TRAPPC11: variants seen among roughly 807,000 people sequenced by gnomAD.
TRAPPC11 encodes foie gras homolog.
Under a neutral mutation model 151.2 loss-of-function variants are expected in TRAPPC11, and 104 were observed. The observed-to-expected ratio is 0.69, with a 90% CI of 0.59 to 0.81. The LOEUF (loss-of-function observed/expected upper bound fraction) is 0.81, where lower values mean the gene tolerates loss of function less well. Among genes scored for constraint, TRAPPC11 ranks in the 30% least tolerant of loss-of-function variants. The pLI, the probability that TRAPPC11 is intolerant of heterozygous loss-of-function variation, is 0.00. For missense variants in TRAPPC11, 1,230 were observed against 1,349.6 expected (o/e 0.91, Z 1.39); for synonymous variants, 456 against 472.3 (o/e 0.97, Z 0.45).
chr4:183,691,509 T>G lies in TRAPPC11; in HGVS notation c.2049+38T>G, dbSNP rs762465543. 5.6e-6 allele frequency: 7 copies of G among 1,249,872 alleles called. No homozygotes were observed. In the South Asian group the frequency reaches 1.3e-4, roughly 23 times the overall value. 77.4% of individuals were successfully genotyped at this position (1,249,872 alleles called of 1,614,324 possible). A position where few individuals can be genotyped will look rare whatever the true frequency, so the allele number is the denominator to read the frequency against. ...ATTTGTTTTAAAATATTTTTAATAA[T>G]AAAAGTATGTTTATATCAATATTTT... is the stretch of plus-strand genomic sequence containing the variant. On this transcript the variant is annotated intron_variant, in intron 19 of 29. Transcript: ENST00000334690.
chr4:183,686,483 G>A, intron 17 of TRAPPC11, 135 bp from the exon 18 acceptor site: 2 of 917,006 alleles, frequency 2.2e-6, no homozygotes, highest in Non-Finnish European at 3.2e-6. Flanking sequence ...GTCTCTTGAA[G>A]TGCCTTAAGT....
chr4:183,686,622 G>T lies in TRAPPC11; in HGVS notation c.1767G>T (p.Gln589His), dbSNP rs1383829469. 6.2e-7 allele frequency: 1 copy of T among 1,613,954 alleles called. No individual in the cohort carries two copies. Among genetic ancestry groups the T allele is most frequent in the Admixed American group, 1.7e-5 (1 of 59,996 alleles). The part of the protein sequence containing the change: ...IGVQDFVPFV[Q>H]CKAKFHAPSF... ...GCCCTTTTGTTTTATTTCTAGTGCA[G>T]TGCAAAGCCAAGTTTCATGCCCCAA... The change falls in exon 18 of 30, where the codon CAG becomes CAT. Residue 589 changes from glutamine (Q) to histidine (H), a missense_variant. Coordinates refer to ENST00000334690, the MANE Select transcript of TRAPPC11 (RefSeq NM_021942.6).
At chr4:183,661,499 G>C (rs1398871029) in intron 1 of TRAPPC11, among the ~76,000 whole-genome samples, 1 of 149,752 alleles carries the variant, frequency 6.7e-6, no homozygotes. Flanking sequence ...AGCCTCCCGA[G>C]TAGCTGGGAC....
At chr4:183,695,044 G>A (rs1047740597) in intron 23 of TRAPPC11, among the ~76,000 whole-genome samples, 3 of 151,238 alleles carry the variant, frequency 2.0e-5, no homozygotes, top group Non-Finnish European at 4.4e-5. Context: ...CACCTCCCGG[G>A]TTCAAGCGAT....
At chr4:183,665,148 G>A (rs1198014531) in intron 2 of TRAPPC11, among the ~76,000 whole-genome samples, 2 of 135,870 alleles carry the variant, frequency 1.5e-5, no homozygotes, top group Non-Finnish European at 3.0e-5. Context: ...AGGCTGGAGT[G>A]CTGTGGCGCG....
intron 28 of TRAPPC11, 128 bp from the exon 29 acceptor site, chr4:183,708,279 G>C (rs1737177034): frequency 1.0e-6 from 1 of 965,786 alleles, no homozygotes. Context: ...GATGGACTAG[G>C]AGAGAGTGAA....
Position 183,674,752 on chromosome 4 carries a change from C to T in TRAPPC11, c.600C>T (p.Tyr200=), listed in dbSNP as rs764451570. 12 of 1,591,580 alleles carry T rather than the reference C, an allele frequency of 7.5e-6. No individual in the cohort carries two copies. The South Asian group carries it at 1.2e-4, about 15-fold the overall frequency. The change falls in exon 6 of 30, where the codon TAC becomes TAT. Residue 200 remains tyrosine, a synonymous_variant. Coordinates refer to ENST00000334690, the MANE Select transcript of TRAPPC11 (RefSeq NM_021942.6). ...NAFYEHAQTY[Y]YTEIRRVKSH... is the part of the protein sequence containing the mutation. ...TTTATGAACATGCACAGACTTATTA[C>T]TACACTGAGATCAGAAGAGTGAAAT...
At chr4:183,709,888 G>A (rs770835679) in intron 29 of TRAPPC11, among the ~76,000 whole-genome samples, 1 of 152,072 alleles carries the variant, frequency 6.6e-6, no homozygotes, top group African/African-American at 2.4e-5. Flanking sequence ...ATTTCCATTG[G>A]CCCCACACTC....
rs755600230 is a variant in TRAPPC11, at chr4:183,697,745, T to G, written c.2761T>G (p.Ser921Ala). The G allele has an allele frequency of 1.4e-5, 22 of 1,614,052 alleles. No homozygotes were observed. Among genetic ancestry groups the G allele is most frequent in the Non-Finnish European group, 1.9e-5 (22 of 1,180,046 alleles). ...FLLMTDLLSA[S>A]PWALTIVSSE... ...GTTGATGACGGACCTCTTAAGTGCC[T>G]CACCCTGGGCCCTCACTATTGTTTC... is the stretch of plus-strand genomic sequence containing the variant. The change falls in exon 25 of 30, where the codon TCA becomes GCA. Residue 921 changes from serine (S) to alanine (A), a missense_variant. Transcript: ENST00000334690.
chr4:183,685,106 G>T lies in TRAPPC11; in HGVS notation c.1590G>T (p.Gln530His), dbSNP rs1440734177. Residue 530 changes from glutamine (Q) to histidine (H), a missense_variant, in exon 16 of 30, where the codon CAG (glutamine) becomes CAT (histidine). Physicochemically the swap from Gln to His is conservative, Grantham distance 24 (BLOSUM62 0). Transcript: ENST00000334690. ...LGRASTLKDD[Q>H]KSRIEKNLIN... ...TAGCTTCAACTCTGAAAGATGACCAGAAGTCTCGGATAGAAAAGAACCTCA... is the reference window on the plus strand; with the variant it reads ...TAGCTTCAACTCTGAAAGATGACCATAAGTCTCGGATAGAAAAGAACCTCA... The T allele has an allele frequency of 6.2e-7, 1 of 1,613,824 alleles. No individual in the cohort carries two copies. The highest frequency in any genetic ancestry group is 1.3e-5 in the African/African-American group (1 of 75,028).
chr4:183,691,564 A>G (rs1736263001), intron 19 of TRAPPC11, 93 bp downstream of exon 19: 1 of 795,132 alleles, frequency 1.3e-6, no homozygotes, highest in Non-Finnish European at 1.7e-6. Context: ...TAAGTAAAAA[A>G]TGAAAATCTG....
In TRAPPC11 at chr4:183,678,000, G is replaced by A. The variant is rs189445543; in HGVS notation, c.831+446G>A. ...TGTTGCCAGGCTGGAGTGCAGTGGT[G>A]GGATCTCGGCTCACTGGAACCTCTG... On this transcript the variant is annotated intron_variant, in intron 8 of 29. Coordinates refer to ENST00000334690, the MANE Select transcript of TRAPPC11 (RefSeq NM_021942.6). Among the ~76,000 whole-genome samples, 615 of 150,802 alleles carry A rather than the reference G, an allele frequency of 4.1e-3. 14 individuals carry two copies. The highest frequency in any genetic ancestry group is 0.038 in the Admixed American group (576 of 15,120).
chr4:183,697,878 C>CACGTGTGTGTGT, intron 25 of TRAPPC11, 43 bp downstream of exon 25: 1 of 950,236 alleles, frequency 1.1e-6, no homozygotes, highest in Non-Finnish European at 1.4e-6. Flanking sequence ...GAGAATTGTG[C>CACGTGTGTGTGT]GCGCGTGTGT....
chr4:183,700,313 A>G (rs1455763582), intron 25 of TRAPPC11, among the ~76,000 whole-genome samples: 1 of 152,210 alleles, frequency 6.6e-6, no homozygotes, highest in Non-Finnish European at 1.5e-5. Context: ...ATTAAAGCAA[A>G]GGTTGATCCA....
Position 183,679,356 on chromosome 4 carries a change from T to C in TRAPPC11, c.835T>C (p.Cys279Arg). The C allele has an allele frequency of 1.9e-6, 3 of 1,606,842 alleles. No individual in the cohort carries two copies. The highest frequency in any genetic ancestry group is 2.5e-6 in the Non-Finnish European group (3 of 1,177,444). ...TMAGFINYKICRLCFQHNTPL... is the reference protein window; with the variant it reads ...TMAGFINYKIRRLCFQHNTPL... Reference sequence around the variant, plus strand: ...GGATCAATTTTACATTTTGCAGATCTGTAGGCTGTGTTTTCAACACAACAC... The same window carrying C: ...GGATCAATTTTACATTTTGCAGATCCGTAGGCTGTGTTTTCAACACAACAC... The change falls in exon 9 of 30, where the codon TGT becomes CGT. Residue 279 changes from cysteine (C) to arginine (R), a missense_variant. Physicochemically the swap from Cys to Arg is radical, Grantham distance 180 (BLOSUM62 -3). Transcript: ENST00000334690.
At chr4:183,661,415 A>G (rs974875267) in intron 1 of TRAPPC11, among the ~76,000 whole-genome samples, 2 of 116,210 alleles carry the variant, frequency 1.7e-5, no homozygotes, top group Non-Finnish European at 3.2e-5. Flanking sequence ...TCTGTCGCCC[A>G]GGCTGGAGTG....
In TRAPPC11 at chr4:183,664,132, C is replaced by CT. The variant is rs1579153969; in HGVS notation, c.204+67dup. ...TCTCTCTCTATGTGTGTGTGTGTGT[C>CT]TTTTTTGTTCTGTTGTGTGTGTGGA... On this transcript the variant is annotated intron_variant, in intron 2 of 29. Coordinates refer to ENST00000334690, the MANE Select transcript of TRAPPC11 (RefSeq NM_021942.6). 2.7e-5 allele frequency: 38 copies of CT among 1,408,218 alleles called. No individual in the cohort carries two copies. The East Asian group carries it at 6.4e-4, about 24-fold the overall frequency. 87.2% of individuals were successfully genotyped at this position (1,408,218 alleles called of 1,614,324 possible).
At position 183,675,232 on chromosome 4, in the gene TRAPPC11, G is replaced by A. The variant is rs369901430; in HGVS notation, c.729G>A (p.Ala243=). The change falls in exon 7 of 30, where the codon GCG becomes GCA. Residue 243 remains alanine (A), a synonymous_variant. Transcript: ENST00000334690. Reference sequence around the variant, plus strand: ...AGTTGAAACAAGATACACAAAATGCGCTGAAGTAAGTTAAGCTTTCAAACT... The same window carrying A: ...AGTTGAAACAAGATACACAAAATGCACTGAAGTAAGTTAAGCTTTCAAACT... ...FSELKQDTQN[A]LKNYRTAYNL... is the part of the protein sequence containing the mutation. 1.1e-5 allele frequency: 17 copies of A among 1,529,338 alleles called. No homozygotes were observed. The highest frequency in any genetic ancestry group is 4.1e-5 in the African/African-American group (3 of 72,458). The allele number at this position is 1,529,338 out of a possible 1,614,324, so 94.7% of individuals were successfully genotyped here.
chr4:183,680,395 C>A, intron 10 of TRAPPC11, 128 bp downstream of exon 10: 3 of 1,028,324 alleles, frequency 2.9e-6, no homozygotes, highest in Non-Finnish European at 2.7e-6. Context: ...TTTTTTATAG[C>A]TTTAGGAATT....
Sources: allele counts gnomAD v4.1 joint callset (sites outside exome capture counted in the v4.1 genomes callset), GRCh38; gene constraint gnomAD v4.1.1; transcripts MANE v1.5; gene names NCBI Gene and HGNC (gene_info 2026-07-23, HGNC 2026-07-21).